Variants in CYS1 observed in about 807,000 individuals in gnomAD.
CYS1 encodes the protein cystin-1.
CYS1 carries 5 observed loss-of-function variants against 9.6 expected under a neutral mutation model. The ratio of observed to expected loss-of-function variants is 0.52; its 90% CI spans 0.27 to 1.10. The LOEUF is 1.10. CYS1 is among the 50% of genes least tolerant of loss of function. The pLI, the probability that CYS1 is intolerant of heterozygous loss-of-function variation, is 0.11. For synonymous variants in CYS1, 88 were observed against 95.7 expected, an observed-to-expected ratio of 0.92 and a Z score of 0.47; for missense variants, 221 against 207.9, an observed-to-expected ratio of 1.06 and a Z score of -0.39.
rs983225454 is a variant in CYS1 at position 10,058,660 on chromosome 2, A to G, written c.*193T>C. The G allele has an allele frequency of 3.8e-6, 2 of 531,776 alleles. No homozygotes were observed. The highest frequency in any genetic ancestry group is 3.8e-5 in the African/African-American group (2 of 53,084). 32.9% of individuals were successfully genotyped at this position (531,776 alleles called of 1,614,324 possible). A position where few individuals can be genotyped will look rare whatever the true frequency, so the allele number is the denominator to read the frequency against. On this transcript the variant is annotated 3_prime_UTR_variant, in exon 3 of 3. Coordinates refer to ENST00000381813, the MANE Select transcript of CYS1 (RefSeq NM_001037160.3). ...TGGGTCTACACAGCTAATCGCCCCCACCAGCAACCATGACCGCCAGTGGCT... is the reference window on the plus strand; with the variant it reads ...TGGGTCTACACAGCTAATCGCCCCCGCCAGCAACCATGACCGCCAGTGGCT...
Position 10,073,217 on chromosome 2 carries a change from C to G in CYS1, c.318+6689G>C, listed in dbSNP as rs985678898. 8.9e-5 allele frequency among the ~76,000 whole-genome samples: 13 copies of G among 145,674 alleles called. 2 individuals are homozygous for G. The East Asian group carries it at 1.2e-3, about 13-fold the overall frequency. On this transcript the variant is annotated intron_variant, in intron 1 of 2. Transcript: ENST00000381813. ...AAGGGGCTCTGGGAACCGCCCCCCC[C>G]CCCCCCCCGGCTGTGGGCTGCCAGT...
intron 1 of CYS1, among the ~76,000 whole-genome samples, chr2:10,072,013 C>T (rs1020589171): frequency 6.6e-6 from 1 of 151,824 alleles, no homozygotes; most frequent in Non-Finnish European, 1.5e-5. Flanking sequence ...GAGAATGAAG[C>T]GAATAAGATC....
rs1661561694 is a variant in CYS1, at chr2:10,057,145, T to A, written c.*1708A>T. 6.6e-6 allele frequency: 1 copy of A among 152,274 alleles called. No homozygotes were observed. 9.4% of individuals were successfully genotyped at this position (152,274 alleles called of 1,614,324 possible). A position where few individuals can be genotyped will look rare whatever the true frequency, so the allele number is the denominator to read the frequency against. ...ATAAAATTACAAACATTTACATGTT[T>A]AAATTCAAAGCCTGATCCATCTGGT... On this transcript the variant is annotated 3_prime_UTR_variant, in exon 3 of 3. Transcript: ENST00000381813.
intron 1 of CYS1, among the ~76,000 whole-genome samples, chr2:10,073,073 T>TG (rs111765581): frequency 3.0e-5 from 4 of 134,330 alleles, no homozygotes; most frequent in Non-Finnish European, 3.3e-5. Flanking sequence ...GGGCTCTGCA[T>TG]GGGGGGGCGG....
Position 10,063,453 on chromosome 2 carries a change from ATT to A in CYS1, c.371+2449_371+2450del, listed in dbSNP as rs1661654735. 6.6e-6 allele frequency among the ~76,000 whole-genome samples: 1 copy of A among 152,230 alleles called. No individual in the cohort carries two copies. The highest frequency in any genetic ancestry group is 6.5e-5 in the Admixed American group (1 of 15,276). ...ATTTCAAACATACTGAAAAGTTAAA[ATT>A]TGTAGATTCAACAATTAAGTTCAAC... On this transcript the variant is annotated intron_variant, in intron 2 of 2. Transcript: ENST00000381813. This position sits in a 1 kb window ranked among gnomAD's most constrained non-coding sequence, Gnocchi z 4.2.
intron 1 of CYS1, among the ~76,000 whole-genome samples, chr2:10,070,132 G>A (rs368170575): frequency 4.6e-5 from 7 of 152,140 alleles, no homozygotes; most frequent in East Asian, 1.9e-4. Flanking sequence ...CGCTCAGCAG[G>A]TGAGGAGGGG....
At chr2:10,067,109 G>A (rs1273154441) in intron 1 of CYS1, among the ~76,000 whole-genome samples, 6 of 151,958 alleles carry the variant, frequency 3.9e-5, no homozygotes, top group Admixed American at 1.3e-4. Context: ...TCTGCCTCCC[G>A]GATTCAAGTG....
At chr2:10,073,411 C>G (rs1661801580) in intron 1 of CYS1, among the ~76,000 whole-genome samples, 2 of 152,166 alleles carry the variant, frequency 1.3e-5, no homozygotes, top group Non-Finnish European at 2.9e-5. Context: ...CAAACAGGCA[C>G]CCTCCCACTC....
At chr2:10,066,520 T>G (rs953715435) in intron 1 of CYS1, among the ~76,000 whole-genome samples, 1 of 152,266 alleles carries the variant, frequency 6.6e-6, no homozygotes, top group Non-Finnish European at 1.5e-5. Context: ...CTACACAGCA[T>G]GTGGCTGCCG....
intron 2 of CYS1, 86 bp from the exon 3 acceptor site, chr2:10,059,044 G>T: frequency 7.8e-7 from 1 of 1,285,432 alleles, no homozygotes; most frequent in Non-Finnish European, 1.1e-6. Context: ...ATGGCTCCTA[G>T]TGGGCCCATC....
intron 2 of CYS1, among the ~76,000 whole-genome samples, chr2:10,065,533 G>A (rs960836421): frequency 1.3e-5 from 2 of 152,220 alleles, no homozygotes; most frequent in Non-Finnish European, 2.9e-5. Flanking sequence ...GCCCGCTGCT[G>A]GCCCTGGGCT....
Position 10,076,845 on chromosome 2 carries a change from C to T in CYS1, c.318+3061G>A, listed in dbSNP as rs1350267351. Among the ~76,000 whole-genome samples the T allele has an allele frequency of 2.0e-5, 3 of 152,144 alleles. No homozygotes were observed. Among genetic ancestry groups the T allele is most frequent in the Non-Finnish European group, 4.4e-5 (3 of 68,038 alleles). ...CTAATCTCATGGGTTTAAATCCTCC[C>T]ATGTTCTAATGGCTTCTAAACGAAC... On this transcript the variant is annotated intron_variant, in intron 1 of 2. Coordinates refer to ENST00000381813, the MANE Select transcript of CYS1 (RefSeq NM_001037160.3). This position sits in a 1 kb window ranked among gnomAD's most constrained non-coding sequence, Gnocchi z 4.3.
chr2:10,058,676 G>A lies in CYS1; in HGVS notation c.*177C>T, dbSNP rs749630718. The A allele has an allele frequency of 1.1e-5, 6 of 538,180 alleles. No homozygotes were observed. Among genetic ancestry groups the A allele is most frequent in the African/African-American group, 9.4e-5 (5 of 53,186 alleles). The allele number at this position is 538,180 out of a possible 1,614,324, so 33.3% of individuals were successfully genotyped here. A position where few individuals can be genotyped will look rare whatever the true frequency, so the allele number is the denominator to read the frequency against. On this transcript the variant is annotated 3_prime_UTR_variant, in exon 3 of 3. Transcript: ENST00000381813. ...ATCGCCCCCACCAGCAACCATGACC[G>A]CCAGTGGCTGGCCCAGGTCAGCGCG... is the stretch of plus-strand genomic sequence containing the variant.
intron 2 of CYS1, among the ~76,000 whole-genome samples, chr2:10,062,428 C>T (rs964284827): frequency 6.6e-6 from 1 of 151,116 alleles, no homozygotes; most frequent in Non-Finnish European, 1.5e-5. Flanking sequence ...GAGTTTTGCT[C>T]TGTCACCCAG....
intron 2 of CYS1, among the ~76,000 whole-genome samples, chr2:10,064,452 T>G (rs1661667626): frequency 6.6e-6 from 1 of 152,076 alleles, no homozygotes; most frequent in African/African-American, 2.4e-5. Flanking sequence ...CAGAGCTGCG[T>G]GGGCATCATC....
At position 10,080,007 on chromosome 2, in the gene CYS1, G is replaced by C; in HGVS notation, c.217C>G (p.Leu73Val). ...GACTCGGCCAGCAGCTCGTCCAGCA[G>C]GCGCAGCGTCTCGTCCCTGCCGTCG... ...PPDGRDETLRLLDELLAESAA... is the reference protein window; with the variant it reads ...PPDGRDETLRVLDELLAESAA... Residue 73 changes from leucine (L) to valine (V), a missense_variant, in exon 1 of 3, where the codon CTG becomes GTG. Transcript: ENST00000381813. The surrounding 1 kb of genome is among the most constrained non-coding windows in gnomAD (Gnocchi z 6.4). 1 of 1,086,524 alleles carries C rather than the reference G, an allele frequency of 9.2e-7. No homozygotes were observed. The highest frequency in any genetic ancestry group is 1.1e-6 in the Non-Finnish European group (1 of 895,894). The allele number at this position is 1,086,524 out of a possible 1,614,324, so 67.3% of individuals were successfully genotyped here.
intron 1 of CYS1, among the ~76,000 whole-genome samples, chr2:10,069,620 G>C (rs1661738965): frequency 6.6e-6 from 1 of 152,122 alleles, no homozygotes; most frequent in Non-Finnish European, 1.5e-5. Context: ...ACCTGCCTCA[G>C]CCTCCCAAGA....
chr2:10,062,291 G>A (rs1661638569), intron 2 of CYS1, among the ~76,000 whole-genome samples: 1 of 152,144 alleles, frequency 6.6e-6, no homozygotes, highest in Non-Finnish European at 1.5e-5. Context: ...AAACCAATAC[G>A]CTTCTCCAGA....
chr2:10,078,314 C>T (rs1558362105), intron 1 of CYS1, among the ~76,000 whole-genome samples: 1 of 152,170 alleles, frequency 6.6e-6, no homozygotes, highest in Admixed American at 6.5e-5. Flanking sequence ...CCTAGTCTGA[C>T]TCTGTCCAGT....
Sources: gnomAD v4.1 joint callset for allele counts (sites outside exome capture counted in the v4.1 genomes callset) on GRCh38, gnomAD v4.1.1 for gene constraint, Gnocchi (gnomAD v3.1) non-coding constraint, MANE v1.5 for transcripts, NCBI Gene and HGNC (gene_info 2026-07-23, HGNC 2026-07-21) for gene names.